The following DNAH5 variants were observed in gnomAD, a reference collection of about 807,000 sequenced individuals.
The protein encoded by DNAH5 is dynein axonemal heavy chain 5.
DNAH5 carries 372 observed loss-of-function variants against 518.2 expected under a neutral mutation model. The observed-to-expected ratio is 0.72, with a 90% confidence interval of 0.66 to 0.78. DNAH5 has a LOEUF of 0.78. Ranked by LOEUF, DNAH5 falls within the 30% of genes least tolerant of loss-of-function variation. The pLI is 0.00. For missense variants in DNAH5, 5,523 were observed against 5,687.0 expected (o/e 0.97, Z 0.93); for synonymous variants, 2,039 against 2,025.9 (o/e 1.01, Z -0.17).
intron 42 of DNAH5, among the ~76,000 whole-genome samples, chr5:13,816,065 A>G (rs1761406813): frequency 6.6e-6 from 1 of 152,128 alleles, no homozygotes; most frequent in Non-Finnish European, 1.5e-5. Context: ...CAGAGAAGGA[A>G]GGGTTTCAAG....
chr5:13,986,160 G>A (rs1783041865), intron 1 of DNAH5, among the ~76,000 whole-genome samples: 1 of 152,214 alleles, frequency 6.6e-6, no homozygotes, highest in African/African-American at 2.4e-5. Context: ...GAGGCGGAGG[G>A]GATGAGGGGA....
chr5:13,965,134 A>G (rs558881017), intron 1 of DNAH5, among the ~76,000 whole-genome samples: 1 of 152,084 alleles, frequency 6.6e-6, no homozygotes, highest in Non-Finnish European at 1.5e-5. Context: ...GAGGGTCAAC[A>G]TGTGTTTCTA....
chr5:13,787,539 T>G (rs1368974889), intron 51 of DNAH5, among the ~76,000 whole-genome samples: 1 of 152,164 alleles, frequency 6.6e-6, no homozygotes, highest in African/African-American at 2.4e-5. Context: ...CAAATCAAGC[T>G]TTGAGAAATA....
At chr5:13,773,782 C>G (rs1395450013) in intron 55 of DNAH5, among the ~76,000 whole-genome samples, 1 of 151,984 alleles carries the variant, frequency 6.6e-6, no homozygotes, top group African/African-American at 2.4e-5. Flanking sequence ...GAGGACCTGG[C>G]TTGGGGGGAA....
chr5:13,799,279 C>A (rs1026222793), intron 47 of DNAH5, among the ~76,000 whole-genome samples: 1 of 150,458 alleles, frequency 6.6e-6, no homozygotes, highest in Non-Finnish European at 1.5e-5. Context: ...TTGAAATGCA[C>A]CTCCTTATGG....
At position 14,008,819 on chromosome 5, in the gene DNAH5, A is replaced by G. The variant is rs576829898; in HGVS notation, c.12+2829T>C. Among the ~76,000 whole-genome samples the G allele has an allele frequency of 4.6e-5, 7 of 152,322 alleles. 1 individual carries two copies. In the South Asian group the frequency reaches 1.4e-3, roughly 32 times the overall value. On this transcript the variant is annotated intron_variant, in intron 1 of 78. Coordinates refer to the DNAH5 transcript ENST00000681290. ...GAACTGCCCAGGTATCTGTAATACC[A>G]TTTTCTCAACTCCAGCCTCACTTCC...
rs142969794 is a variant in DNAH5 at position 13,944,382 on chromosome 5, C to T, written c.57G>A (p.Thr19=). ...LWKHSVTRVL[T]QRLKGEKEAK... ...AAAGGTACAGACAACAGCACCTTAC[C>T]GTTAAAACTCGAGTGACGCTATGCT... is the stretch of plus-strand genomic sequence containing the variant. The change falls in exon 1 of 79, where the codon ACG becomes ACA. Residue 19 remains threonine (T), a splice_region_variant and synonymous_variant. Transcript: ENST00000265104. 45 of 1,613,606 alleles carry T rather than the reference C, an allele frequency of 2.8e-5. No homozygotes were observed. The highest frequency in any genetic ancestry group is 3.3e-5 in the Admixed American group (2 of 59,984).
chr5:13,693,558 A>T (rs1463960689), intron 78 of DNAH5, among the ~76,000 whole-genome samples: 2 of 152,242 alleles, frequency 1.3e-5, no homozygotes, highest in Admixed American at 1.3e-4. Flanking sequence ...ACCAGGGACA[A>T]TTCTACTTAC....
intron 47 of DNAH5, among the ~76,000 whole-genome samples, chr5:13,800,704 A>AT (rs945089661): frequency 6.6e-6 from 1 of 152,060 alleles, no homozygotes; most frequent in African/African-American, 2.4e-5. Flanking sequence ...TTTACCTAGA[A>AT]TTTTTTTGTC....
At chr5:14,004,572 A>G (rs1300860090) in intron 1 of DNAH5, among the ~76,000 whole-genome samples, 3 of 152,194 alleles carry the variant, frequency 2.0e-5, no homozygotes, top group Non-Finnish European at 2.9e-5. Flanking sequence ...GGGTTTCATC[A>G]CTGCACTTAC....
At chr5:13,974,595 C>T (rs1189179960) in intron 1 of DNAH5, among the ~76,000 whole-genome samples, 4 of 152,130 alleles carry the variant, frequency 2.6e-5, no homozygotes, top group Non-Finnish European at 4.4e-5. Flanking sequence ...CAAAACCACC[C>T]GCTATAAGTC....
rs114360756 is a variant in DNAH5 at position 13,991,083 on chromosome 5, A to C, written c.12+20565T>G. 2.4e-3 allele frequency among the ~76,000 whole-genome samples: 369 copies of C among 152,284 alleles called. 3 individuals carry two copies. The highest frequency in any genetic ancestry group is 8.5e-3 in the African/African-American group (352 of 41,566). On this transcript the variant is annotated intron_variant, in intron 1 of 78. Coordinates refer to the DNAH5 transcript ENST00000681290. Reference sequence around the variant, plus strand: ...CTGGATTGACTTCTTGCCAGTTGCAAGTCTTGACTTTGTCTCTCTAGAGCA... The same window carrying C: ...CTGGATTGACTTCTTGCCAGTTGCACGTCTTGACTTTGTCTCTCTAGAGCA...
intron 55 of DNAH5, among the ~76,000 whole-genome samples, chr5:13,774,765 G>T (rs1398174301): frequency 6.6e-6 from 1 of 152,134 alleles, no homozygotes; most frequent in African/African-American, 2.4e-5. Context: ...AAAAGAATGG[G>T]ACAATGAGAA....
rs897145432 is a variant in DNAH5, at chr5:13,850,662, A to C, written c.5104T>G (p.Ser1702Ala). 6.2e-7 allele frequency: 1 copy of C among 1,613,754 alleles called. No homozygotes were observed. The highest frequency in any genetic ancestry group is 1.3e-5 in the African/African-American group (1 of 74,884). The change falls in exon 31 of 79, where the codon TCC (serine) becomes GCC (alanine). Residue 1702 changes from serine to alanine, a missense_variant. Transcript: ENST00000265104. ...AGCCAGTGAACTTACCCAGTAAGGG[A>C]TTTCTGGCATATTTCCAACTGGTCC... ...LLDQLEICQK[S>A]LTGYLEKKRL...
chr5:13,852,159 T>A (rs1050035824), intron 30 of DNAH5, among the ~76,000 whole-genome samples: 16 of 152,106 alleles, frequency 1.1e-4, no homozygotes, highest in African/African-American at 3.9e-4. Context: ...CTGAGCTAGC[T>A]GCAGTTTTTT....
chr5:13,710,407 T>C (rs1317544408), intron 75 of DNAH5, among the ~76,000 whole-genome samples: 1 of 152,076 alleles, frequency 6.6e-6, no homozygotes, highest in East Asian at 1.9e-4. Context: ...AAATTGACAT[T>C]CTAATGTCAC....
chr5:13,752,403 T>C, intron 63 of DNAH5, 114 bp from the exon 64 acceptor site: 2 of 1,276,050 alleles, frequency 1.6e-6, no homozygotes, highest in Non-Finnish European at 2.3e-6. Flanking sequence ...CAAATACAAA[T>C]TGAGCATCCA....
chr5:13,853,101 G>A (rs1438819083), intron 30 of DNAH5, among the ~76,000 whole-genome samples: 2 of 152,214 alleles, frequency 1.3e-5, no homozygotes, highest in African/African-American at 4.8e-5. Flanking sequence ...GGGGCCAACA[G>A]ACACCTCATA....
chr5:13,999,345 T>C (rs1784186427), intron 1 of DNAH5, among the ~76,000 whole-genome samples: 1 of 152,238 alleles, frequency 6.6e-6, no homozygotes, highest in South Asian at 2.1e-4. Flanking sequence ...TGCCTCTTAA[T>C]TAACAATTCC....
Sources: gnomAD v4.1 joint callset for allele counts (sites outside exome capture counted in the v4.1 genomes callset) on GRCh38, gnomAD v4.1.1 for gene constraint, MANE v1.5 for transcripts, NCBI Gene and HGNC (gene_info 2026-07-23, HGNC 2026-07-21) for gene names.